Variants in GATA3 observed in about 807,000 individuals in gnomAD.
GATA3 encodes trans-acting T-cell-specific transcription factor GATA-3.
A neutral mutation model predicts 36.0 loss-of-function variants in GATA3; 6 were observed. That is an observed-to-expected ratio of 0.17 (90% CI 0.09 to 0.33). The LOEUF is 0.33. Among genes scored for constraint, GATA3 ranks in the 10% least tolerant of loss-of-function variants. GATA3 has a pLI of 1.00. For synonymous variants in GATA3, 326 were observed against 273.0 expected (o/e 1.19, Z -1.92); for missense variants, 514 against 610.1 (o/e 0.84, Z 1.66).
Position 8,074,657 on chromosome 10 carries a change from T to C in GATA3, c.*634T>C. On this transcript the variant is annotated 3_prime_UTR_variant, in exon 6 of 6. Coordinates refer to ENST00000379328, the MANE Select transcript of GATA3 (RefSeq NM_001002295.2). ...GCCGTTGAGGGTTTCAGAGAGCCTT[T>C]TTCTAGGCCTACATGCTTTGTGAAC... 1 of 233,820 alleles carries C rather than the reference T, an allele frequency of 4.3e-6. No homozygotes were observed. The highest frequency in any genetic ancestry group is 6.0e-5 in the East Asian group (1 of 16,586). 14.5% of individuals were successfully genotyped at this position (233,820 alleles called of 1,614,324 possible). A position where few individuals can be genotyped will look rare whatever the true frequency, so the allele number is the denominator to read the frequency against.
At chr10:8,061,503 C>T (rs1331976209) in intron 3 of GATA3, among the ~76,000 whole-genome samples, 1 of 152,130 alleles carries the variant, frequency 6.6e-6, no homozygotes, top group South Asian at 2.1e-4. Context: ...GAGCAGCTCA[C>T]AACAGGCAGG....
intron 5 of GATA3, among the ~76,000 whole-genome samples, chr10:8,071,835 C>G (rs1832936088): frequency 6.6e-6 from 1 of 152,044 alleles, no homozygotes; most frequent in Non-Finnish European, 1.5e-5. Flanking sequence ...AACTGCCTAC[C>G]TCGGTATCAG....
upstream of GATA3, chr10:8,051,407 C>T (rs1832489782): frequency 9.0e-6 from 2 of 222,648 alleles, no homozygotes; most frequent in Non-Finnish European, 1.9e-5. Context: ...GTCGCCTGCT[C>T]GGCTGCGGGA....
At chr10:8,073,687 T>A (rs2131519484) in intron 5 of GATA3, 52 bp from the exon 6 acceptor site, 1 of 1,535,832 alleles carries the variant, frequency 6.5e-7, no homozygotes. Context: ...CCTGTGCATT[T>A]CAGAGGCAGC....
rs1832991128 is a variant in GATA3, at chr10:8,074,931, A to G, written c.*908A>G. 6 of 233,396 alleles carry G rather than the reference A, an allele frequency of 2.6e-5. No individual in the cohort carries two copies. Among genetic ancestry groups the G allele is most frequent in the Middle Eastern group, 1.2e-3 (1 of 808 alleles). The allele number at this position is 233,396 out of a possible 1,614,324, so 14.5% of individuals were successfully genotyped here. On this transcript the variant is annotated 3_prime_UTR_variant, in exon 6 of 6. Transcript: ENST00000379328. The stretch of plus-strand genomic sequence containing the variant: ...TCGGAGGGTTTCTTGTTTCTTTTCC[A>G]TTTTGTTTTTGGATGATATTTATTA...
chr10:8,047,917 T>C (rs1015403030), intron 1 of GATA3, among the ~76,000 whole-genome samples: 17 of 151,954 alleles, frequency 1.1e-4, no homozygotes, highest in Non-Finnish European at 1.6e-4. Flanking sequence ...ATGGATTTTT[T>C]TTTTCACCAG....
At chr10:8,067,535 C>T (rs1156954027) in intron 4 of GATA3, among the ~76,000 whole-genome samples, 5 of 152,102 alleles carry the variant, frequency 3.3e-5, no homozygotes, top group Non-Finnish European at 1.5e-5. Flanking sequence ...ACCAGAATCC[C>T]AGGCCGGGTG....
upstream of GATA3, among the ~76,000 whole-genome samples, chr10:8,050,238 T>A (rs1046029145): frequency 6.6e-6 from 1 of 152,224 alleles, no homozygotes; most frequent in African/African-American, 2.4e-5. Context: ...GGGCGGTTAT[T>A]GTCTTTCTCT....
At chr10:8,066,319 T>C (rs560497070) in intron 4 of GATA3, among the ~76,000 whole-genome samples, 13 of 152,306 alleles carry the variant, frequency 8.5e-5, no homozygotes, top group African/African-American at 3.1e-4. Context: ...ACTGTCACAT[T>C]TTCATCTGTC....
At chr10:8,072,284 C>T (rs1273781783) in intron 5 of GATA3, among the ~76,000 whole-genome samples, 1 of 152,204 alleles carries the variant, frequency 6.6e-6, no homozygotes, top group Non-Finnish European at 1.5e-5. Flanking sequence ...GCTTTGGGAA[C>T]AGACAGGTAA....
chr10:8,046,798 G>A (rs1223882288), intron 1 of GATA3, among the ~76,000 whole-genome samples: 1 of 152,052 alleles, frequency 6.6e-6, no homozygotes, highest in Non-Finnish European at 1.5e-5. Flanking sequence ...AGACCCCATT[G>A]GGTGTCGGGT....
chr10:8,052,964 GC>G, upstream of GATA3: 1 of 150,450 alleles, frequency 6.6e-6, no homozygotes, highest in East Asian at 1.9e-4. Flanking sequence ...TGGAAATTCA[GC>G]CCTGATTTCA....
At chr10:8,047,134 G>A (rs1463322849) in intron 1 of GATA3, among the ~76,000 whole-genome samples, 3 of 152,244 alleles carry the variant, frequency 2.0e-5, no homozygotes, top group Non-Finnish European at 4.4e-5. Flanking sequence ...GAAGGGATGG[G>A]AGTGGGAAGC....
At chr10:8,050,435 C>T (rs899058521), upstream of GATA3, 1 of 152,516 alleles carries the variant, frequency 6.6e-6, no homozygotes, top group Admixed American at 6.5e-5. Context: ...CCTCCCCAGA[C>T]TCACAGCGAC....
upstream of GATA3, among the ~76,000 whole-genome samples, chr10:8,049,498 A>G (rs1298006753): frequency 5.9e-5 from 9 of 152,288 alleles, no homozygotes; most frequent in Admixed American, 5.9e-4. Context: ...CCCGAGTGGC[A>G]GAGACAGAGA....
chr10:8,047,961 CG>C (rs755391689), intron 1 of GATA3, among the ~76,000 whole-genome samples: 134 of 152,092 alleles, frequency 8.8e-4, no homozygotes, highest in Admixed American at 1.6e-3. Flanking sequence ...AAGACAAGAA[CG>C]GTTTGTGCTT....
chr10:8,064,244 A>T (rs964929748), intron 4 of GATA3, 106 bp downstream of exon 4: 9 of 1,381,588 alleles, frequency 6.5e-6, no homozygotes, highest in Non-Finnish European at 9.2e-6. Context: ...GATAGCCTCC[A>T]ATCGTGTCAG....
At chr10:8,064,203 G>C (rs1449006775) in intron 4 of GATA3, 65 bp downstream of exon 4, 18 of 1,600,862 alleles carry the variant, frequency 1.1e-5, no homozygotes, top group Non-Finnish European at 1.5e-5. Flanking sequence ...CCTCTCTTCC[G>C]GAAGGACAGC....
At position 8,055,405 on chromosome 10, in the gene GATA3, G is replaced by A. The variant is rs10905277; in HGVS notation, c.-251G>A. On this transcript the variant is annotated 5_prime_UTR_variant, in exon 2 of 6. Transcript: ENST00000379328. The surrounding 1 kb of genome is among the most constrained non-coding windows in gnomAD (Gnocchi z 5.4). The stretch of plus-strand genomic sequence containing the variant: ...CAACCTGGTCCCGTTTTATTCTGCC[G>A]TACCCAGTTTTTGGATTTTTGTCTT... 0.51 allele frequency: 289,159 copies of A among 571,986 alleles called. 76,623 individuals carry two copies. Among genetic ancestry groups the A allele is most frequent in the East Asian group, 0.64 (21,636 of 33,798 alleles). 35.4% of individuals were successfully genotyped at this position (571,986 alleles called of 1,614,324 possible). A position where few individuals can be genotyped will look rare whatever the true frequency, so the allele number is the denominator to read the frequency against.
Sources: allele counts gnomAD v4.1 joint callset (sites outside exome capture counted in the v4.1 genomes callset), GRCh38; gene constraint gnomAD v4.1.1; non-coding constraint Gnocchi (gnomAD v3.1); transcripts MANE v1.5; gene names NCBI Gene and HGNC (gene_info 2026-07-23, HGNC 2026-07-21).